The following USP15 variants were observed in gnomAD, a reference collection of about 807,000 sequenced individuals.
The protein encoded by USP15 is ubiquitin specific peptidase 15.
A neutral mutation model predicts 127.1 loss-of-function variants in USP15; 18 were observed. The ratio of observed to expected loss-of-function variants is 0.14; its 90% CI spans 0.10 to 0.21. The LOEUF is 0.21. USP15 is among the 10% of genes least tolerant of loss of function. The pLI is 1.00. For missense variants in USP15, 805 were observed against 1,159.9 expected (o/e 0.69, Z 4.44); for synonymous variants, 364 against 393.7 (o/e 0.92, Z 0.89).
chr12:62,387,384 C>G (rs1446730424), intron 11 of USP15, among the ~76,000 whole-genome samples: 1 of 152,114 alleles, frequency 6.6e-6, no homozygotes, highest in Non-Finnish European at 1.5e-5. Flanking sequence ...CAAAGCAAAT[C>G]AGGAGACACT....
intron 6 of USP15, chr12:62,335,396 A>G: frequency 3.6e-6 from 5 of 1,395,578 alleles, no homozygotes; most frequent in Non-Finnish European, 4.6e-6. Flanking sequence ...CTGCAACAGT[A>G]TTGTAAAATT....
At chr12:62,288,569 T>C (rs1299069993) in intron 1 of USP15, among the ~76,000 whole-genome samples, 2 of 152,168 alleles carry the variant, frequency 1.3e-5, no homozygotes, top group African/African-American at 4.8e-5. Flanking sequence ...TGGCTTCCTC[T>C]TTTCCAACTT....
At chr12:62,390,558 T>G (rs1490337180) in intron 14 of USP15, among the ~76,000 whole-genome samples, 1 of 152,104 alleles carries the variant, frequency 6.6e-6, no homozygotes, top group South Asian at 2.1e-4. Flanking sequence ...AAGATCACAT[T>G]ATACAAATAT....
At chr12:62,387,776 T>G (rs2137598739) in intron 11 of USP15, among the ~76,000 whole-genome samples, 1 of 152,144 alleles carries the variant, frequency 6.6e-6, no homozygotes, top group East Asian at 1.9e-4. Context: ...GGGAAAGCAA[T>G]GAGGTACCCT....
At chr12:62,322,436 G>A (rs988871665) in intron 5 of USP15, among the ~76,000 whole-genome samples, 8 of 152,024 alleles carry the variant, frequency 5.3e-5, no homozygotes, top group Middle Eastern at 3.4e-3. Flanking sequence ...GTGCCCGGCC[G>A]GTATTTTTTT....
chr12:62,383,929 T>A lies in USP15; in HGVS notation c.1179T>A (p.His393Gln). ...ELLAFLLDGLHEDLNRIRKKP... is the reference protein window; with the variant it reads ...ELLAFLLDGLQEDLNRIRKKP... Reference sequence around the variant, plus strand: ...TAGCTTTCCTATTAGATGGATTACATGAGGATTTGAATAGAATTAGGAAAA... The same window carrying A: ...TAGCTTTCCTATTAGATGGATTACAAGAGGATTTGAATAGAATTAGGAAAA... Residue 393 changes from histidine to glutamine, a missense_variant, in exon 10 of 22, where the codon CAT (histidine) becomes CAA (glutamine). By Grantham distance (24) the His-to-Gln change is conservative. Transcript: ENST00000280377. 1 of 1,612,896 alleles carries A rather than the reference T, an allele frequency of 6.2e-7. No homozygotes were observed. The highest frequency in any genetic ancestry group is 8.5e-7 in the Non-Finnish European group (1 of 1,179,142).
intron 1 of USP15, among the ~76,000 whole-genome samples, chr12:62,293,560 T>A (rs2064038266): frequency 1.3e-5 from 2 of 152,170 alleles, no homozygotes; most frequent in South Asian, 4.1e-4. Flanking sequence ...TTCACGATGT[T>A]GGCCAGGCTG....
chr12:62,302,970 C>T (rs1432453391), intron 3 of USP15, 50 bp downstream of exon 3: 25 of 1,552,648 alleles, frequency 1.6e-5, no homozygotes, highest in Non-Finnish European at 2.2e-5. Flanking sequence ...TTGATTAGTT[C>T]ACATTTTATT....
At chr12:62,388,538 CTG>C (rs993254340) in intron 11 of USP15, among the ~76,000 whole-genome samples, 1 of 152,154 alleles carries the variant, frequency 6.6e-6, no homozygotes, top group African/African-American at 2.4e-5. Flanking sequence ...ATATTGGGCA[CTG>C]TGGATTTGTA....
At chr12:62,261,447 C>T (rs1018017537) in intron 1 of USP15, among the ~76,000 whole-genome samples, 3 of 152,154 alleles carry the variant, frequency 2.0e-5, no homozygotes, top group African/African-American at 4.8e-5. Flanking sequence ...CATATTTTCA[C>T]TTTCCACTGT....
Position 62,391,330 on chromosome 12 carries a change from T to C in USP15, c.2134T>C (p.Phe712Leu). The change falls in exon 16 of 22, where the codon TTT (phenylalanine) becomes CTT (leucine). Residue 712 changes from phenylalanine to leucine, a missense_variant. Physicochemically the swap from Phe to Leu is conservative, Grantham distance 22. Coordinates refer to ENST00000280377, the MANE Select transcript of USP15 (RefSeq NM_001252078.2). ...ACTCACGGGACACAAAAAACGATTG[T>C]TTACATTCCAGTTCAACAACTTAGG... ...GQLTGHKKRL[F>L]TFQFNNLGNT... 6.2e-7 allele frequency: 1 copy of C among 1,613,518 alleles called. No homozygotes were observed. The highest frequency in any genetic ancestry group is 8.5e-7 in the Non-Finnish European group (1 of 1,179,676).
chr12:62,374,489 A>G, intron 8 of USP15: 1 of 985,782 alleles, frequency 1.0e-6, no homozygotes, highest in Non-Finnish European at 1.2e-6. Context: ...AGCATTACAA[A>G]AGACAACTTT....
intron 6 of USP15, chr12:62,335,142 C>T (rs1373105599): frequency 1.3e-6 from 2 of 1,534,358 alleles, no homozygotes; most frequent in African/African-American, 2.7e-5. Context: ...ATATTCTTAG[C>T]ACTTTTTTTT....
intron 6 of USP15, among the ~76,000 whole-genome samples, chr12:62,329,201 A>G (rs2065213427): frequency 6.6e-6 from 1 of 152,042 alleles, no homozygotes. Flanking sequence ...GTGAAATCCT[A>G]CCTCTACTAA....
chr12:62,328,530 C>A (rs2065197792), intron 6 of USP15: 2 of 201,220 alleles, frequency 9.9e-6, no homozygotes, highest in Non-Finnish European at 2.2e-5. Flanking sequence ...ACGCATAAAA[C>A]CTTCATGGGA....
At chr12:62,342,129 A>G (rs2137385192) in intron 6 of USP15, among the ~76,000 whole-genome samples, 1 of 151,528 alleles carries the variant, frequency 6.6e-6, no homozygotes, top group Non-Finnish European at 1.5e-5. Context: ...TTTTTCTCTA[A>G]TCTTGTCTTC....
intron 8 of USP15, among the ~76,000 whole-genome samples, chr12:62,376,124 T>C (rs528655954): frequency 2.0e-5 from 3 of 152,300 alleles, no homozygotes; most frequent in Admixed American, 6.5e-5. Flanking sequence ...ATACTAAATA[T>C]GAAATTTAGT....
intron 17 of USP15, 35 bp downstream of exon 17, chr12:62,391,921 T>C (rs150426455): frequency 1.3e-6 from 2 of 1,539,078 alleles, no homozygotes; most frequent in Non-Finnish European, 1.8e-6. Context: ...TTACCTTTCC[T>C]TGATTTACTT....
chr12:62,387,405 C>T (rs908550702), intron 11 of USP15, among the ~76,000 whole-genome samples: 5 of 152,050 alleles, frequency 3.3e-5, no homozygotes, highest in Non-Finnish European at 7.4e-5. Context: ...GTTGCCTCTT[C>T]CAAGGAGAGC....
Sources: gnomAD v4.1 joint callset for allele counts (sites outside exome capture counted in the v4.1 genomes callset) on GRCh38, gnomAD v4.1.1 for gene constraint, MANE v1.5 for transcripts, NCBI Gene and HGNC (gene_info 2026-07-23, HGNC 2026-07-21) for gene names.